The following BRAF variants were observed in gnomAD, a reference collection of about 807,000 sequenced individuals.
BRAF encodes the protein serine/threonine-protein kinase B-raf.
A neutral mutation model predicts 104.6 loss-of-function variants in BRAF; 16 were observed. The observed-to-expected ratio is 0.15, with a 90% CI of 0.10 to 0.23. The LOEUF (loss-of-function observed/expected upper bound fraction) is 0.23, where lower values mean the gene tolerates loss of function less well. BRAF is among the 10% of genes least tolerant of loss of function. The pLI is 1.00. For missense variants in BRAF, 541 were observed against 937.3 expected (o/e 0.58, Z 5.52); for synonymous variants, 310 against 341.6 (o/e 0.91, Z 1.02).
chr7:140,756,533 G>GA (rs1235542543), intron 14 of BRAF, among the ~76,000 whole-genome samples: 3 of 150,598 alleles, frequency 2.0e-5, no homozygotes, highest in African/African-American at 7.3e-5. Flanking sequence ...AGTTACAATG[G>GA]AAAATGCCAA....
At chr7:140,887,046 T>C (rs1813648818) in intron 1 of BRAF, among the ~76,000 whole-genome samples, 1 of 152,172 alleles carries the variant, frequency 6.6e-6, no homozygotes, top group Admixed American at 6.5e-5. Context: ...AGGAATACTC[T>C]CACAACTACC....
At position 140,855,712 on chromosome 7, in the gene BRAF, C is replaced by G. The variant is rs117283689; in HGVS notation, c.139-5500G>C. Among the ~76,000 whole-genome samples, 241 of 151,850 alleles carry G rather than the reference C, an allele frequency of 1.6e-3. 8 individuals carry two copies. The East Asian group carries it at 0.044, about 28-fold the overall frequency. ...CTAGCAAAACCTAGATGTCAAAACT[C>G]AACAAAGATAACATAAAAAAAAATA... On this transcript the variant is annotated intron_variant, in intron 1 of 19. Transcript: ENST00000644969.
intron 14 of BRAF, among the ~76,000 whole-genome samples, chr7:140,774,834 T>C (rs1019774904): frequency 6.6e-6 from 1 of 152,166 alleles, no homozygotes; most frequent in Non-Finnish European, 1.5e-5. Context: ...TCAGCTGTGA[T>C]GTGAGAAGGA....
chr7:140,789,215 A>C (rs1372295139), intron 8 of BRAF, among the ~76,000 whole-genome samples: 2 of 147,778 alleles, frequency 1.4e-5, no homozygotes, highest in Non-Finnish European at 3.0e-5. Context: ...TCACAGAAAA[A>C]AAACAAAAAA....
intron 5 of BRAF, among the ~76,000 whole-genome samples, chr7:140,805,967 C>T (rs1442485987): frequency 6.6e-6 from 1 of 152,170 alleles, no homozygotes; most frequent in African/African-American, 2.4e-5. Context: ...ACAACTATTA[C>T]ATTTCTAATT....
chr7:140,716,045 T>C (rs543980992), downstream of BRAF, among the ~76,000 whole-genome samples: 10 of 152,322 alleles, frequency 6.6e-5, no homozygotes, highest in African/African-American at 1.9e-4. Context: ...ACCTAGCATA[T>C]AAATATACTT....
chr7:140,754,875 T>G (rs538444974), intron 14 of BRAF, among the ~76,000 whole-genome samples: 1 of 152,356 alleles, frequency 6.6e-6, no homozygotes, highest in Non-Finnish European at 1.5e-5. Context: ...TTAAAATATT[T>G]TCTTAAAACT....
intron 7 of BRAF, chr7:140,800,009 A>G: frequency 2.5e-6 from 1 of 404,828 alleles, no homozygotes; most frequent in Non-Finnish European, 4.6e-6. Context: ...GTGTGATAAA[A>G]TAAGTTATTT....
At chr7:140,726,589 T>C (rs1324624739) in intron 19 of BRAF, 3 of 1,290,592 alleles carry the variant, frequency 2.3e-6, no homozygotes, top group Middle Eastern at 1.8e-4. Flanking sequence ...AAAGCCTCAT[T>C]TGAGCTTCAC....
At chr7:140,873,665 T>C (rs1811869987) in intron 1 of BRAF, among the ~76,000 whole-genome samples, 1 of 152,142 alleles carries the variant, frequency 6.6e-6, no homozygotes, top group Non-Finnish European at 1.5e-5. Context: ...ACTCCACTAG[T>C]TGAACGGACA....
Position 140,726,148 on chromosome 7 carries a change from C to G in BRAF, c.*346G>C. ...TAGAAGGGCAAAGTTGACTGGCAGA[C>G]TTTCCATAGCAAATCTCCCAAGCTG... is the stretch of plus-strand genomic sequence containing the variant. On this transcript the variant is annotated 3_prime_UTR_variant, in exon 20 of 20. Transcript: ENST00000644969. The G allele has an allele frequency of 8.9e-7, 1 of 1,125,576 alleles. No homozygotes were observed. Among genetic ancestry groups the G allele is most frequent in the Non-Finnish European group, 1.1e-6 (1 of 919,176 alleles). The allele number at this position is 1,125,576 out of a possible 1,614,324, so 69.7% of individuals were successfully genotyped here.
intron 5 of BRAF, among the ~76,000 whole-genome samples, chr7:140,807,058 G>C (rs1803726670): frequency 6.6e-6 from 1 of 152,142 alleles, no homozygotes; most frequent in South Asian, 2.1e-4. Context: ...GCTTCTGCCT[G>C]CCATTTTAGG....
At chr7:140,860,173 C>T (rs766814606) in intron 1 of BRAF, among the ~76,000 whole-genome samples, 6 of 152,112 alleles carry the variant, frequency 3.9e-5, no homozygotes, top group Non-Finnish European at 5.9e-5. Context: ...TTTATTTACA[C>T]AGCATATGGT....
At chr7:140,857,085 T>C (rs1347502509) in intron 1 of BRAF, among the ~76,000 whole-genome samples, 19 of 152,168 alleles carry the variant, frequency 1.2e-4, no homozygotes, top group Admixed American at 1.2e-3. Context: ...GCAGATGTGA[T>C]TAAGTATTGT....
intron 3 of BRAF, among the ~76,000 whole-genome samples, chr7:140,827,073 C>T (rs920280012): frequency 6.6e-6 from 1 of 152,074 alleles, no homozygotes; most frequent in East Asian, 1.9e-4. Flanking sequence ...TTACCTTTTT[C>T]CTCTATCCCC....
chr7:140,901,144 G>T (rs1041712943), intron 1 of BRAF, among the ~76,000 whole-genome samples: 1 of 152,086 alleles, frequency 6.6e-6, no homozygotes, highest in African/African-American at 2.4e-5. Flanking sequence ...TATGTTAAAA[G>T]AAATTAATAG....
At chr7:140,792,551 G>A (rs920588326) in intron 8 of BRAF, among the ~76,000 whole-genome samples, 1 of 152,146 alleles carries the variant, frequency 6.6e-6, no homozygotes, top group Admixed American at 6.5e-5. Context: ...ACCCCCTTAT[G>A]TAGTGTACTC....
At chr7:140,778,229 G>C (rs1800518457) in intron 12 of BRAF, among the ~76,000 whole-genome samples, 154 bp from the exon 12 acceptor site, 2 of 152,068 alleles carry the variant, frequency 1.3e-5, no homozygotes, top group Middle Eastern at 3.2e-3. Flanking sequence ...AACTCCATTT[G>C]TTTTCTAAGG....
intron 1 of BRAF, among the ~76,000 whole-genome samples, chr7:140,852,407 C>G (rs1268527352): frequency 2.0e-5 from 3 of 150,112 alleles, no homozygotes; most frequent in Non-Finnish European, 4.4e-5. Context: ...AAAAAAAAAC[C>G]AAAAACCAAA....
Sources: allele counts gnomAD v4.1 joint callset (sites outside exome capture counted in the v4.1 genomes callset), GRCh38; gene constraint gnomAD v4.1.1; transcripts MANE v1.5; gene names NCBI Gene and HGNC (gene_info 2026-07-23, HGNC 2026-07-21).